CADPS2: variants seen among roughly 807,000 people sequenced by gnomAD.
CADPS2 encodes the protein calcium dependent secretion activator 2, also known as calcium-dependent secretion activator 2.
CADPS2 carries 93 observed loss-of-function variants against 172.5 expected under a neutral mutation model. The ratio of observed to expected loss-of-function variants is 0.54; its 90% CI spans 0.46 to 0.64. CADPS2 has a LOEUF of 0.64. CADPS2 is among the 30% of genes least tolerant of loss of function. The pLI, the probability that CADPS2 is intolerant of heterozygous loss-of-function variation, is 0.00. For missense variants in CADPS2, 1,420 were observed against 1,565.9 expected (o/e 0.91, Z 1.57); for synonymous variants, 546 against 555.2 (o/e 0.98, Z 0.23).
At chr7:122,622,721 C>T (rs562429773) in intron 4 of CADPS2, among the ~76,000 whole-genome samples, 59 of 152,252 alleles carry the variant, frequency 3.9e-4, no homozygotes, top group African/African-American at 1.4e-3. Flanking sequence ...TGCACAGAAC[C>T]GGCTGGAGGA....
At chr7:122,855,207 T>C (rs866497544) in intron 1 of CADPS2, among the ~76,000 whole-genome samples, 10 of 152,222 alleles carry the variant, frequency 6.6e-5, no homozygotes, top group South Asian at 6.2e-4. Context: ...GTAGTAGTAT[T>C]CATTAGCAGT....
At chr7:122,727,530 C>T (rs1250553676) in intron 2 of CADPS2, among the ~76,000 whole-genome samples, 1 of 151,744 alleles carries the variant, frequency 6.6e-6, no homozygotes, top group African/African-American at 2.4e-5. Flanking sequence ...GCCCTGCCCT[C>T]TGCCACAAAT....
chr7:122,689,109 C>A (rs1564070168), intron 2 of CADPS2, among the ~76,000 whole-genome samples: 1 of 152,168 alleles, frequency 6.6e-6, no homozygotes, highest in Non-Finnish European at 1.5e-5. Context: ...CAACATACTA[C>A]TAATATTCCT....
rs925300045 is a variant in CADPS2 at position 122,753,888 on chromosome 7, C to CT, written c.340-16821dup. On this transcript the variant is annotated intron_variant, in intron 1 of 29. Transcript: ENST00000449022. ...TCAATACACTGCAGGTCACCAAAAA[C>CT]TTTTTTTTTTCCCTTTTAAACAACC... is the stretch of plus-strand genomic sequence containing the variant. Among the ~76,000 whole-genome samples, 910 of 150,108 alleles carry CT rather than the reference C, an allele frequency of 6.1e-3. 2 individuals are homozygous for CT. The highest frequency in any genetic ancestry group is 0.012 in the Admixed American group (180 of 15,010).
chr7:122,706,754 T>C (rs1182568432), intron 2 of CADPS2, among the ~76,000 whole-genome samples: 3 of 144,830 alleles, frequency 2.1e-5, no homozygotes, highest in Non-Finnish European at 4.5e-5. Flanking sequence ...AAGGAATATA[T>C]ATATATATAA....
At chr7:122,686,537 TGTAAA>T (rs2083649095) in intron 2 of CADPS2, among the ~76,000 whole-genome samples, 2 of 152,240 alleles carry the variant, frequency 1.3e-5, no homozygotes. Flanking sequence ...CTCAAGTTTC[TGTAAA>T]CTCTGCAGTG....
chr7:122,567,498 T>C (rs530581606), intron 7 of CADPS2, among the ~76,000 whole-genome samples: 5 of 152,322 alleles, frequency 3.3e-5, no homozygotes, highest in African/African-American at 9.6e-5. Flanking sequence ...GAAACAATTC[T>C]GATTTTGTTC....
chr7:122,420,277 T>C (rs904914611), intron 17 of CADPS2, among the ~76,000 whole-genome samples: 2 of 152,234 alleles, frequency 1.3e-5, no homozygotes, highest in African/African-American at 4.8e-5. Flanking sequence ...ACTTATTATA[T>C]GTGAATCTTT....
intron 2 of CADPS2, among the ~76,000 whole-genome samples, chr7:122,725,428 G>C (rs1051146974): frequency 6.6e-6 from 1 of 151,800 alleles, no homozygotes; most frequent in Admixed American, 6.6e-5. Flanking sequence ...GATTTAGGGG[G>C]TATAAGTGTA....
intron 7 of CADPS2, among the ~76,000 whole-genome samples, chr7:122,564,457 C>T (rs539436417): frequency 1.3e-5 from 2 of 152,162 alleles, no homozygotes; most frequent in East Asian, 3.9e-4. Context: ...TACAGGTGCA[C>T]ACCACCATGC....
At chr7:122,880,246 CA>C (rs960380139) in intron 1 of CADPS2, among the ~76,000 whole-genome samples, 6 of 152,250 alleles carry the variant, frequency 3.9e-5, no homozygotes, top group African/African-American at 1.4e-4. Flanking sequence ...TTACCCTAAG[CA>C]TTCAATATAT....
chr7:122,525,830 C>A (rs1235627767), intron 8 of CADPS2, among the ~76,000 whole-genome samples: 1 of 152,158 alleles, frequency 6.6e-6, no homozygotes, highest in Non-Finnish European at 1.5e-5. Context: ...CAGCCCATTT[C>A]TCCTAGGCTA....
intron 9 of CADPS2, among the ~76,000 whole-genome samples, chr7:122,499,064 T>C (rs1055879016): frequency 6.6e-6 from 1 of 152,238 alleles, no homozygotes; most frequent in African/African-American, 2.4e-5. Context: ...ATTTCCCTTA[T>C]ATTTAATAAA....
chr7:122,702,565 G>A (rs779498986), intron 2 of CADPS2: 13 of 1,613,308 alleles, frequency 8.1e-6, no homozygotes, highest in East Asian at 6.7e-5. Flanking sequence ...AATGATTCCC[G>A]AACACTCCAC....
chr7:122,388,765 C>A, intron 22 of CADPS2, 27 bp from the exon 23 acceptor site: 1 of 1,575,376 alleles, frequency 6.3e-7, no homozygotes, highest in Non-Finnish European at 8.7e-7. Flanking sequence ...AAATGAACAT[C>A]ATGAACTCCC....
chr7:122,763,924 A>T (rs1488531053), intron 1 of CADPS2, among the ~76,000 whole-genome samples: 1 of 152,172 alleles, frequency 6.6e-6, no homozygotes, highest in Non-Finnish European at 1.5e-5. Flanking sequence ...TAGCCAAATA[A>T]ATATGATTAC....
chr7:122,391,096 T>C (rs1392700905), intron 22 of CADPS2, among the ~76,000 whole-genome samples: 1 of 152,098 alleles, frequency 6.6e-6, no homozygotes, highest in Non-Finnish European at 1.5e-5. Context: ...ATGTTAAATA[T>C]AAATGTTTCT....
At chr7:122,411,736 CACACACAT>C (rs1228868970) in intron 19 of CADPS2, among the ~76,000 whole-genome samples, 1 of 152,090 alleles carries the variant, frequency 6.6e-6, no homozygotes, top group East Asian at 1.9e-4. Context: ...CTGCCCCTGC[CACACACAT>C]ACACACATAC....
At chr7:122,464,289 A>C (rs1686849682) in intron 14 of CADPS2, among the ~76,000 whole-genome samples, 1 of 152,222 alleles carries the variant, frequency 6.6e-6, no homozygotes, top group African/African-American at 2.4e-5. Flanking sequence ...TCTGAGCAAC[A>C]AAGTAATTTA....
Sources: gnomAD v4.1 joint callset for allele counts (sites outside exome capture counted in the v4.1 genomes callset) on GRCh38, gnomAD v4.1.1 for gene constraint, MANE v1.5 for transcripts, NCBI Gene and HGNC (gene_info 2026-07-23, HGNC 2026-07-21) for gene names.